The following INPP4B variants were observed in gnomAD, a reference collection of about 807,000 sequenced individuals.
INPP4B encodes the protein inositol polyphosphate 4-phosphatase type II.
A neutral mutation model predicts 122.5 loss-of-function variants in INPP4B; 55 were observed. The observed-to-expected ratio is 0.45, with a 90% confidence interval of 0.36 to 0.56. INPP4B has a LOEUF of 0.56. INPP4B is among the 20% of genes least tolerant of loss of function. The pLI is 0.00. For missense variants in INPP4B, 1,000 were observed against 1,097.7 expected (o/e 0.91, Z 1.26); for synonymous variants, 403 against 388.7 (o/e 1.04, Z -0.43).
chr4:142,241,924 T>C (rs147367068), intron 11 of INPP4B, among the ~76,000 whole-genome samples: 39 of 152,316 alleles, frequency 2.6e-4, no homozygotes, highest in African/African-American at 8.2e-4. Context: ...CAGTACACGA[T>C]AGAAGCAGCA....
intron 18 of INPP4B, among the ~76,000 whole-genome samples, chr4:142,138,244 G>C (rs997237744): frequency 6.6e-6 from 1 of 151,728 alleles, no homozygotes; most frequent in African/African-American, 2.4e-5. Context: ...TAGGGACATG[G>C]ATGAAACTGG....
chr4:142,306,363 G>A (rs1310089977), intron 8 of INPP4B, among the ~76,000 whole-genome samples: 1 of 151,452 alleles, frequency 6.6e-6, no homozygotes, highest in Non-Finnish European at 1.5e-5. Flanking sequence ...CTTCCCTTAA[G>A]GTCAAGGAGT....
intron 2 of INPP4B, among the ~76,000 whole-genome samples, chr4:142,570,641 TA>T (rs1359564828): frequency 1.3e-5 from 2 of 151,936 alleles, no homozygotes; most frequent in East Asian, 1.9e-4. Context: ...TAAAGAAGAA[TA>T]AAAAAATTTG....
chr4:142,201,990 T>C (rs1292235221), intron 14 of INPP4B, among the ~76,000 whole-genome samples: 1 of 152,062 alleles, frequency 6.6e-6, no homozygotes, highest in African/African-American at 2.4e-5. Flanking sequence ...AGTGGGAATA[T>C]CTTATAGAAA....
intron 2 of INPP4B, among the ~76,000 whole-genome samples, chr4:142,678,015 A>G (rs1241737385): frequency 3.3e-5 from 5 of 151,852 alleles, no homozygotes; most frequent in African/African-American, 1.2e-4. Context: ...AAAGAAGAAA[A>G]GTAACTTTAA....
At chr4:142,760,355 A>G (rs1771151661) in intron 1 of INPP4B, among the ~76,000 whole-genome samples, 1 of 152,160 alleles carries the variant, frequency 6.6e-6, no homozygotes, top group Admixed American at 6.5e-5. Flanking sequence ...TCAGAGAGGA[A>G]ACTAAAATCA....
chr4:142,630,403 T>C (rs1747672828), intron 2 of INPP4B, among the ~76,000 whole-genome samples: 1 of 152,144 alleles, frequency 6.6e-6, no homozygotes. Context: ...TCAGGAACTT[T>C]ATTTTTATAT....
intron 2 of INPP4B, among the ~76,000 whole-genome samples, chr4:142,720,740 A>ATG (rs35459399): frequency 0.027 from 971 of 35,542 alleles, 75 homozygotes; most frequent in African/African-American, 0.062. Flanking sequence ...ACATATATAT[A>ATG]TATATATACA....
At chr4:142,188,969 C>T (rs1036693347) in intron 15 of INPP4B, among the ~76,000 whole-genome samples, 5 of 152,176 alleles carry the variant, frequency 3.3e-5, no homozygotes, top group Non-Finnish European at 1.5e-5. Context: ...CTAGTTCTCC[C>T]ATTCCTGGTT....
At chr4:142,154,773 A>G (rs1020971664) in intron 17 of INPP4B, among the ~76,000 whole-genome samples, 1 of 152,142 alleles carries the variant, frequency 6.6e-6, no homozygotes, top group African/African-American at 2.4e-5. Flanking sequence ...GACAAATTTC[A>G]AAGACATTAA....
chr4:142,752,059 TATAAAGCTAAAA>T (rs1561030213), intron 1 of INPP4B, among the ~76,000 whole-genome samples: 4 of 152,036 alleles, frequency 2.6e-5, no homozygotes, highest in African/African-American at 9.7e-5. Flanking sequence ...CCTTGTAATA[TATAAAGCTAAAA>T]CACAAACTCT....
At chr4:142,769,218 A>G (rs1378418135) in intron 1 of INPP4B, among the ~76,000 whole-genome samples, 1 of 152,206 alleles carries the variant, frequency 6.6e-6, no homozygotes, top group African/African-American at 2.4e-5. Flanking sequence ...AGAAGAAAAT[A>G]GTGAGCTCAT....
intron 16 of INPP4B, among the ~76,000 whole-genome samples, chr4:142,171,196 T>C (rs1825471161): frequency 6.6e-6 from 1 of 151,784 alleles, no homozygotes; most frequent in Non-Finnish European, 1.5e-5. Flanking sequence ...CTGCCCTCAG[T>C]CTTCCCCAGG....
chr4:142,750,750 T>C (rs909224830), intron 1 of INPP4B, among the ~76,000 whole-genome samples: 14 of 152,096 alleles, frequency 9.2e-5, no homozygotes, highest in Non-Finnish European at 1.6e-4. Flanking sequence ...AGATTGGAAG[T>C]GAATGCTGAG....
chr4:142,707,105 T>C (rs1762564522), intron 2 of INPP4B, among the ~76,000 whole-genome samples: 1 of 152,164 alleles, frequency 6.6e-6, no homozygotes, highest in Non-Finnish European at 1.5e-5. Context: ...AGCATCTTCT[T>C]CTACTCAATT....
At chr4:142,144,915 C>T (rs946174215) in intron 18 of INPP4B, among the ~76,000 whole-genome samples, 6 of 150,830 alleles carry the variant, frequency 4.0e-5, no homozygotes, top group African/African-American at 1.5e-4. Flanking sequence ...TCTTATGACT[C>T]TTTTTTTTTA....
At chr4:142,532,450 A>T (rs1827729773) in intron 2 of INPP4B, among the ~76,000 whole-genome samples, 1 of 152,002 alleles carries the variant, frequency 6.6e-6, no homozygotes, top group African/African-American at 2.4e-5. Context: ...CCTCCATCCA[A>T]GGAGGTGAAA....
chr4:142,793,444 G>A (rs940286991), intron 1 of INPP4B, among the ~76,000 whole-genome samples: 1 of 152,024 alleles, frequency 6.6e-6, no homozygotes. Flanking sequence ...ACGATCAGTG[G>A]AACAAAAAGA....
At chr4:142,208,805 A>C in intron 13 of INPP4B, 91 bp downstream of exon 13, 4 of 996,142 alleles carry the variant, frequency 4.0e-6, no homozygotes, top group Non-Finnish European at 5.5e-6. Flanking sequence ...CAGTTCTCCT[A>C]TCTACATAAA....
Sources: gnomAD v4.1 joint callset for allele counts (sites outside exome capture counted in the v4.1 genomes callset) on GRCh38, gnomAD v4.1.1 for gene constraint, MANE v1.5 for transcripts, NCBI Gene and HGNC (gene_info 2026-07-23, HGNC 2026-07-21) for gene names.